MAGI2: variants seen among roughly 807,000 people sequenced by gnomAD.
The protein encoded by MAGI2 is membrane-associated guanylate kinase, WW and PDZ domain-containing protein 2.
In MAGI2, 35 loss-of-function variants were observed where a neutral mutation model predicts 133.3. That is an observed-to-expected ratio of 0.26 (90% CI 0.20 to 0.35). MAGI2 has a LOEUF of 0.35. Among genes scored for constraint, MAGI2 ranks in the 10% least tolerant of loss-of-function variants. The pLI is 1.00. For missense variants in MAGI2, 1,636 were observed against 1,863.4 expected, an observed-to-expected ratio of 0.88 and a Z score of 2.25; for synonymous variants, 729 against 710.6, an observed-to-expected ratio of 1.03 and a Z score of -0.41.
At chr7:78,076,083 A>G (rs1160620128) in intron 21 of MAGI2, among the ~76,000 whole-genome samples, 1 of 152,236 alleles carries the variant, frequency 6.6e-6, no homozygotes, top group African/African-American at 2.4e-5. Flanking sequence ...GTATGATTTA[A>G]TGTTCCACTT....
At chr7:78,652,755 A>G (rs1220381051) in intron 2 of MAGI2, among the ~76,000 whole-genome samples, 1 of 152,194 alleles carries the variant, frequency 6.6e-6, no homozygotes, top group East Asian at 1.9e-4. Context: ...CACCAAAAGC[A>G]ATAGCAACAA....
chr7:78,937,415 A>G (rs1047889539), intron 2 of MAGI2, among the ~76,000 whole-genome samples: 6 of 151,612 alleles, frequency 4.0e-5, no homozygotes, highest in Non-Finnish European at 8.8e-5. Context: ...GCAAATTACT[A>G]GAGGAGTAAT....
chr7:79,183,123 A>T (rs1272952550), intron 1 of MAGI2, among the ~76,000 whole-genome samples: 2 of 151,892 alleles, frequency 1.3e-5, no homozygotes. Context: ...AATAAGTTCT[A>T]ATGTTTGATA....
At chr7:78,983,787 T>C (rs1468859578) in intron 2 of MAGI2, among the ~76,000 whole-genome samples, 2 of 151,004 alleles carry the variant, frequency 1.3e-5, no homozygotes, top group Non-Finnish European at 2.9e-5. Context: ...CCTTTGCAAC[T>C]CTCCATCTAA....
intron 9 of MAGI2, among the ~76,000 whole-genome samples, chr7:78,294,875 C>G (rs1429586564): frequency 2.0e-5 from 3 of 152,178 alleles, no homozygotes; most frequent in African/African-American, 7.2e-5. Context: ...GTTACTGAAA[C>G]TGACTGGATA....
intron 1 of MAGI2, among the ~76,000 whole-genome samples, chr7:79,299,052 C>T (rs17152192): frequency 6.6e-6 from 1 of 151,938 alleles, no homozygotes; most frequent in Non-Finnish European, 1.5e-5. Flanking sequence ...TGCCACATAA[C>T]GTTTTAATTT....
intron 3 of MAGI2, among the ~76,000 whole-genome samples, chr7:78,551,905 C>G (rs1048834337): frequency 1.3e-5 from 2 of 152,042 alleles, no homozygotes; most frequent in African/African-American, 4.8e-5. Flanking sequence ...CCACCACGCC[C>G]AGCTAATTTT....
intron 2 of MAGI2, among the ~76,000 whole-genome samples, chr7:78,817,611 C>T (rs916046177): frequency 3.3e-5 from 5 of 152,268 alleles, no homozygotes; most frequent in Admixed American, 2.0e-4. Flanking sequence ...TCTGAAAGCT[C>T]AGATGATGTT....
intron 6 of MAGI2, among the ~76,000 whole-genome samples, chr7:78,450,100 A>G (rs942479446): frequency 2.0e-5 from 3 of 151,976 alleles, no homozygotes; most frequent in Non-Finnish European, 2.9e-5. Context: ...TTCCTTTAAC[A>G]TTCCCATGAC....
chr7:78,853,437 C>CCTCTATCT (rs539159115), intron 2 of MAGI2, among the ~76,000 whole-genome samples: 8 of 138,140 alleles, frequency 5.8e-5, no homozygotes, highest in African/African-American at 2.2e-4. Flanking sequence ...CTCACTGCAG[C>CCTCTATCT]CTCTATCTCC....
At chr7:78,456,695 T>C (rs1209074488) in intron 6 of MAGI2, among the ~76,000 whole-genome samples, 4 of 152,120 alleles carry the variant, frequency 2.6e-5, no homozygotes, top group Non-Finnish European at 5.9e-5. Context: ...GAGGGTGTGA[T>C]GAACCCTACG....
chr7:78,124,681 G>GAC (rs143567278), intron 20 of MAGI2, among the ~76,000 whole-genome samples: 3,973 of 150,548 alleles, frequency 0.026, 122 homozygotes, highest in African/African-American at 0.068. Context: ...TTCATACACC[G>GAC]ACACACACAC....
In MAGI2 at chr7:79,406,682, T is replaced by C. The variant is rs972323061; in HGVS notation, c.301+46338A>G. ...CTGAATTTTCTACTTTTGAGTTACA[T>C]AAGGATCTCCTATATTCGTCTTTAT... On this transcript the variant is annotated intron_variant, in intron 1 of 21. Coordinates refer to ENST00000354212, the MANE Select transcript of MAGI2 (RefSeq NM_012301.4). Among the ~76,000 whole-genome samples the C allele has an allele frequency of 2.6e-5, 4 of 152,134 alleles. No homozygotes were observed. The South Asian group carries it at 8.3e-4, about 31-fold the overall frequency.
intron 2 of MAGI2, among the ~76,000 whole-genome samples, chr7:78,917,545 G>A (rs1477178443): frequency 1.3e-5 from 2 of 152,038 alleles, no homozygotes; most frequent in Admixed American, 6.6e-5. Context: ...CCATTTTGAT[G>A]TTTTCTAACA....
chr7:78,883,597 A>G (rs1796045220), intron 2 of MAGI2, among the ~76,000 whole-genome samples: 1 of 152,226 alleles, frequency 6.6e-6, no homozygotes, highest in Non-Finnish European at 1.5e-5. Context: ...AGCTGGAGGC[A>G]TCGCATTATC....
Position 79,323,316 on chromosome 7 carries a change from T to C in MAGI2, c.301+129704A>G, listed in dbSNP as rs1320440439. On this transcript the variant is annotated intron_variant, in intron 1 of 21. Coordinates refer to ENST00000354212, the MANE Select transcript of MAGI2 (RefSeq NM_012301.4). ...ATCAGACATTCAGATTGCATGATATTCTATGACAAGGTGGTAGAAAATGAT... is the reference window on the plus strand; with the variant it reads ...ATCAGACATTCAGATTGCATGATATCCTATGACAAGGTGGTAGAAAATGAT... Among the ~76,000 whole-genome samples, 4 of 152,188 alleles carry C rather than the reference T, an allele frequency of 2.6e-5. No individual in the cohort carries two copies. The East Asian group carries it at 7.7e-4, about 29-fold the overall frequency.
intron 2 of MAGI2, among the ~76,000 whole-genome samples, chr7:78,753,218 C>A (rs1470757796): frequency 6.6e-6 from 1 of 151,502 alleles, no homozygotes; most frequent in African/African-American, 2.4e-5. Flanking sequence ...TAATTATGAT[C>A]AAGGACATAA....
intron 1 of MAGI2, among the ~76,000 whole-genome samples, chr7:79,222,160 A>C (rs184776833): frequency 1.3e-3 from 204 of 152,172 alleles, no homozygotes; most frequent in Non-Finnish European, 2.2e-3. Flanking sequence ...CAGTCCTTCT[A>C]TGACCTCATA....
At chr7:78,488,830 G>A (rs1475696298) in intron 6 of MAGI2, among the ~76,000 whole-genome samples, 1 of 151,962 alleles carries the variant, frequency 6.6e-6, no homozygotes, top group Non-Finnish European at 1.5e-5. Flanking sequence ...TCAGAATTAT[G>A]CTTGAAAAGA....
Sources: allele counts gnomAD v4.1 joint callset (sites outside exome capture counted in the v4.1 genomes callset), GRCh38; gene constraint gnomAD v4.1.1; transcripts MANE v1.5; gene names NCBI Gene and HGNC (gene_info 2026-07-23, HGNC 2026-07-21).